Variants in SNX32 observed in about 807,000 individuals in gnomAD.
SNX32 encodes the protein sorting nexin-32.
SNX32 carries 58 observed loss-of-function variants against 57.0 expected under a neutral mutation model. The observed-to-expected ratio is 1.02, with a 90% CI of 0.82 to 1.27. The LOEUF is 1.27. Ranked by LOEUF, SNX32 falls within the 50% of genes most tolerant of loss-of-function variation. SNX32 has a pLI of 0.00. For synonymous variants in SNX32, 262 were observed against 220.4 expected (o/e 1.19, Z -1.67); for missense variants, 589 against 541.2 (o/e 1.09, Z -0.88).
intron 10 of SNX32, 31 bp from the exon 11 acceptor site, chr11:65,852,599 G>C: frequency 6.2e-7 from 1 of 1,613,698 alleles, no homozygotes; most frequent in Non-Finnish European, 8.5e-7. Flanking sequence ...GCCAGGACAG[G>C]GCAGCAGTGA....
intron 9 of SNX32, 64 bp from the exon 10 acceptor site, chr11:65,852,400 TG>T: frequency 7.3e-7 from 1 of 1,373,292 alleles, no homozygotes; most frequent in Non-Finnish European, 1.0e-6. Context: ...GATGAAGAGG[TG>T]CCTCCCACCC....
intron 1 of SNX32, among the ~76,000 whole-genome samples, chr11:65,846,053 C>T (rs1403901885): frequency 1.3e-5 from 2 of 152,208 alleles, no homozygotes; most frequent in African/African-American, 4.8e-5. Context: ...GGGTGGATCA[C>T]CTGAGGTCAG....
At chr11:65,839,957 G>A (rs569617432) in intron 1 of SNX32, among the ~76,000 whole-genome samples, 54 of 151,806 alleles carry the variant, frequency 3.6e-4, no homozygotes, top group Non-Finnish European at 6.5e-4. Flanking sequence ...TCAGGAGTTC[G>A]AGACCAGCCT....
At chr11:65,849,354 AC>A (rs1859090492) in intron 1 of SNX32, 123 bp from the exon 2 acceptor site, 3 of 714,700 alleles carry the variant, frequency 4.2e-6, no homozygotes, top group Non-Finnish European at 7.2e-6. Context: ...CTCTCTGGTG[AC>A]CTGGGGCATT....
intron 1 of SNX32, among the ~76,000 whole-genome samples, chr11:65,848,541 G>C (rs1002892397): frequency 6.6e-6 from 1 of 152,050 alleles, no homozygotes; most frequent in African/African-American, 2.4e-5. Context: ...CTGCATTACA[G>C]CCTGAGTGAC....
At chr11:65,850,112 A>C in intron 3 of SNX32, 38 bp from the exon 4 acceptor site, 1 of 1,614,216 alleles carries the variant, frequency 6.2e-7, no homozygotes, top group Non-Finnish European at 8.5e-7. Context: ...CCGTCTCGGC[A>C]GTGAGAGGCC....
At chr11:65,841,535 G>C (rs965568023) in intron 1 of SNX32, among the ~76,000 whole-genome samples, 5 of 152,078 alleles carry the variant, frequency 3.3e-5, no homozygotes, top group African/African-American at 1.2e-4. Context: ...ACTATGCCCA[G>C]TCTATTGTGT....
intron 12 of SNX32, 134 bp downstream of exon 12, chr11:65,853,092 C>T (rs893195871): frequency 2.3e-6 from 3 of 1,277,814 alleles, no homozygotes; most frequent in Non-Finnish European, 3.4e-6. Flanking sequence ...TGAGAGGAGC[C>T]CCAGCTAAGG....
At chr11:65,851,584 A>G (rs2134701070) in intron 8 of SNX32, 56 bp from the exon 9 acceptor site, 1 of 1,596,588 alleles carries the variant, frequency 6.3e-7, no homozygotes, top group East Asian at 2.2e-5. Flanking sequence ...TGAGACAGAG[A>G]GGCTTTGAGC....
chr11:65,844,965 C>CA (rs58832475), intron 1 of SNX32, among the ~76,000 whole-genome samples: 20 of 125,546 alleles, frequency 1.6e-4, no homozygotes, highest in African/African-American at 5.1e-4. Context: ...GACTCTGTCT[C>CA]AAAAAAAAAA....
Position 65,838,294 on chromosome 11 carries a change from A to G in SNX32, c.36+4193A>G, listed in dbSNP as rs141384753. On this transcript the variant is annotated intron_variant, in intron 1 of 12. Transcript: ENST00000308342. ...CCACAGAAAGGTAAAACAATCCTAA[A>G]TTTATAGGCACCTAATAATATAGCA... is the stretch of plus-strand genomic sequence containing the variant. 2.6e-5 allele frequency among the ~76,000 whole-genome samples: 4 copies of G among 152,328 alleles called. No individual in the cohort carries two copies. In the East Asian group the frequency reaches 7.7e-4, roughly 29 times the overall value.
intron 1 of SNX32, among the ~76,000 whole-genome samples, chr11:65,845,513 G>A (rs1199647299): frequency 6.6e-6 from 1 of 151,198 alleles, no homozygotes; most frequent in Non-Finnish European, 1.5e-5. Flanking sequence ...AAGGTGGGCG[G>A]ATCACCTGAG....
At chr11:65,849,635 C>T in intron 2 of SNX32, 53 bp downstream of exon 2, 2 of 1,373,454 alleles carry the variant, frequency 1.5e-6, no homozygotes, top group Non-Finnish European at 1.9e-6. Context: ...CGCAGGAGGC[C>T]TCCCCCAGGG....
rs1470159596 is a variant in SNX32, at chr11:65,852,621, T to C, written c.913-9T>C. 3.1e-6 allele frequency: 5 copies of C among 1,612,714 alleles called. No individual in the cohort carries two copies. In the South Asian group the frequency reaches 5.5e-5, roughly 18 times the overall value. On this transcript the variant is annotated splice_polypyrimidine_tract_variant and intron_variant, in intron 10 of 12. Coordinates refer to ENST00000308342, the MANE Select transcript of SNX32 (RefSeq NM_152760.3). ...CAGGGCAGCAGTGACCCTGTGCCCA[T>C]GGTCCTAGGACCTGCTGTACCGGCG... is the stretch of plus-strand genomic sequence containing the variant.
At chr11:65,850,099 T>C in intron 3 of SNX32, 51 bp from the exon 4 acceptor site, 1 of 1,614,216 alleles carries the variant, frequency 6.2e-7, no homozygotes, top group Non-Finnish European at 8.5e-7. Context: ...AAGGCTGTGA[T>C]GGCCGTCTCG....
Position 65,853,351 on chromosome 11 carries a change from G to A in SNX32, c.*16G>A, listed in dbSNP as rs769259015. The A allele has an allele frequency of 6.2e-7, 1 of 1,613,716 alleles. No homozygotes were observed. The highest frequency in any genetic ancestry group is 8.5e-7 in the Non-Finnish European group (1 of 1,179,768). ...GGAGCCTTAGAGTAGCCAGAGCTCA[G>A]CCAGACCCTAATCTGGGATCTCCAG... is the stretch of plus-strand genomic sequence containing the variant. On this transcript the variant is annotated 3_prime_UTR_variant, in exon 13 of 13. Transcript: ENST00000308342.
Position 65,853,337 on chromosome 11 carries a change from G to T in SNX32, c.*2G>T. 1 of 1,614,028 alleles carries T rather than the reference G, an allele frequency of 6.2e-7. No individual in the cohort carries two copies. The highest frequency in any genetic ancestry group is 8.5e-7 in the Non-Finnish European group (1 of 1,179,970). On this transcript the variant is annotated 3_prime_UTR_variant, in exon 13 of 13. Transcript: ENST00000308342. Reference sequence around the variant, plus strand: ...GTTGCCCTAAAGGGGGAGCCTTAGAGTAGCCAGAGCTCAGCCAGACCCTAA... The same window carrying T: ...GTTGCCCTAAAGGGGGAGCCTTAGATTAGCCAGAGCTCAGCCAGACCCTAA...
At chr11:65,834,668 C>G (rs917326083) in intron 1 of SNX32, among the ~76,000 whole-genome samples, 2 of 149,346 alleles carry the variant, frequency 1.3e-5, no homozygotes, top group East Asian at 2.0e-4. Flanking sequence ...CTGTGTGTAT[C>G]TGTGTGTGCA....
In SNX32 at chr11:65,851,680, G is replaced by T; in HGVS notation, c.825+1G>T. ...GGCAGAGCTCTTTGAACGGCTGAGGGTGAGTACTGCCTTCTGTGCTCAAAG... is the reference window on the plus strand; with the variant it reads ...GGCAGAGCTCTTTGAACGGCTGAGGTTGAGTACTGCCTTCTGTGCTCAAAG... On this transcript the variant is annotated splice_donor_variant, in intron 9 of 12. Coordinates refer to ENST00000308342, the MANE Select transcript of SNX32 (RefSeq NM_152760.3). LOFTEE classifies it high-confidence loss of function. 6.2e-7 allele frequency: 1 copy of T among 1,614,100 alleles called. No individual in the cohort carries two copies. The highest frequency in any genetic ancestry group is 8.5e-7 in the Non-Finnish European group (1 of 1,179,972).
Sources: gnomAD v4.1 joint callset for allele counts (sites outside exome capture counted in the v4.1 genomes callset) on GRCh38, gnomAD v4.1.1 for gene constraint, MANE v1.5 for transcripts, NCBI Gene and HGNC (gene_info 2026-07-23, HGNC 2026-07-21) for gene names.